The following CRHR1 variants were observed in gnomAD, a reference collection of about 807,000 sequenced individuals.
CRHR1 encodes the protein corticotropin releasing hormone receptor 1.
Under a neutral mutation model 56.0 loss-of-function variants are expected in CRHR1, and 28 were observed. The ratio of observed to expected loss-of-function variants is 0.50; its 90% CI spans 0.37 to 0.69. The LOEUF (loss-of-function observed/expected upper bound fraction) is 0.69, where lower values mean the gene tolerates loss of function less well. Among genes scored for constraint, CRHR1 ranks in the 30% least tolerant of loss-of-function variants. CRHR1 has a pLI of 0.00. For missense variants in CRHR1, 376 were observed against 548.0 expected (o/e 0.69, Z 3.13); for synonymous variants, 195 against 216.5 (o/e 0.90, Z 0.87).
In CRHR1 at chr17:45,784,364, C is replaced by A. The variant is rs951833097; in HGVS notation, c.-181C>A. The A allele has an allele frequency of 2.9e-6, 1 of 345,988 alleles. No homozygotes were observed. The highest frequency in any genetic ancestry group is 2.2e-5 in the African/African-American group (1 of 45,154). The allele number at this position is 345,988 out of a possible 1,614,324, so 21.4% of individuals were successfully genotyped here. On this transcript the variant is annotated 5_prime_UTR_variant, in exon 1 of 13. Transcript: ENST00000314537. The surrounding 1 kb of genome is among the most constrained non-coding windows in gnomAD (Gnocchi z 4.2). The stretch of plus-strand genomic sequence containing the variant: ...TCCCCGGGAAGGGGCGAGCGAGAGC[C>A]GGGCCGGGCCGGGCCGGGCCGCGGG...
intron 6 of CRHR1, 74 bp from the exon 7 acceptor site, chr17:45,830,342 TG>T: frequency 6.3e-7 from 1 of 1,581,560 alleles, no homozygotes. Context: ...TGTCCTGCCC[TG>T]GGGAGGCCCA....
In CRHR1 at chr17:45,817,262, C is replaced by T. The variant is rs563096653; in HGVS notation, c.241+680C>T. On this transcript the variant is annotated intron_variant, in intron 3 of 12. Transcript: ENST00000314537. ...ACTCTCAGAATTAATTTGCTCTCCC[C>T]TGTCAATGAGTCAGGTCCCTGCTTA... is the stretch of plus-strand genomic sequence containing the variant. 3.3e-5 allele frequency among the ~76,000 whole-genome samples: 5 copies of T among 152,366 alleles called. No individual in the cohort carries two copies. In the East Asian group the frequency reaches 7.7e-4, roughly 23 times the overall value.
At chr17:45,830,260 G>T in intron 6 of CRHR1, 46 bp downstream of exon 6, 1 of 1,606,856 alleles carries the variant, frequency 6.2e-7, no homozygotes, top group South Asian at 1.1e-5. Context: ...CCAAACCCAG[G>T]TCAGAGGAGG....
intron 1 of CRHR1, among the ~76,000 whole-genome samples, chr17:45,786,936 C>T (rs571917146): frequency 8.5e-5 from 13 of 152,264 alleles, no homozygotes; most frequent in Admixed American, 7.2e-4. Flanking sequence ...CCACCATGCC[C>T]GGCCATTACC....
chr17:45,803,168 G>A (rs2061655119), intron 1 of CRHR1, among the ~76,000 whole-genome samples: 2 of 152,118 alleles, frequency 1.3e-5, no homozygotes, highest in South Asian at 4.1e-4. Context: ...CAGACTGCAT[G>A]GGCAGAGGGT....
intron 2 of CRHR1, among the ~76,000 whole-genome samples, chr17:45,807,829 G>A (rs1043509779): frequency 5.9e-5 from 9 of 152,218 alleles, no homozygotes; most frequent in Non-Finnish European, 8.8e-5. Flanking sequence ...AAAGCCGAAC[G>A]TTTGTACAGT....
In CRHR1 at chr17:45,833,784, C is replaced by A. The variant is rs1192403414; in HGVS notation, c.1000C>A (p.Pro334Thr). Residue 334 changes from proline (P) to threonine (T), a missense_variant, in exon 11 of 13, where the codon CCC becomes ACC. By Grantham distance (38) the Pro-to-Thr change is conservative. This residue lies in a region of CRHR1 where 369 missense variants were observed against 519.5 expected (regional missense o/e 0.71). Coordinates refer to ENST00000314537, the MANE Select transcript of CRHR1 (RefSeq NM_004382.5). ...CACCTACATGCTGTTCTTCGTCAAT[C>A]CCGGGGAGGATGAGGTCTCCCGGGT... ...GITYMLFFVNPGEDEVSRVVF... is the reference protein window; with the variant it reads ...GITYMLFFVNTGEDEVSRVVF... 1.3e-6 allele frequency: 2 copies of A among 1,586,374 alleles called. No homozygotes were observed. The highest frequency in any genetic ancestry group is 1.7e-6 in the Non-Finnish European group (2 of 1,162,382).
chr17:45,788,257 A>G lies in CRHR1; in HGVS notation c.33+3680A>G, dbSNP rs527893019. Among the ~76,000 whole-genome samples the G allele has an allele frequency of 2.0e-5, 3 of 152,326 alleles. No individual in the cohort carries two copies. The South Asian group carries it at 6.2e-4, about 32-fold the overall frequency. ...AGTCAGTGAACCTGACTCTGATCCC[A>G]GCTCTGCCTCCAATCAGCTGTGTGA... On this transcript the variant is annotated intron_variant, in intron 1 of 12. Coordinates refer to ENST00000314537, the MANE Select transcript of CRHR1 (RefSeq NM_004382.5).
rs187263965 is a variant in CRHR1, at chr17:45,797,628, G to A, written c.34-9382G>A. The stretch of plus-strand genomic sequence containing the variant: ...TGTTGAATCTCTCCAGGAGCTTTGG[G>A]ATGTGAATATTTTATCCCTATCAGC... On this transcript the variant is annotated intron_variant, in intron 1 of 12. Transcript: ENST00000314537. Among the ~76,000 whole-genome samples, 14 of 152,210 alleles carry A rather than the reference G, an allele frequency of 9.2e-5. No homozygotes were observed. In the East Asian group the frequency reaches 2.5e-3, roughly 27 times the overall value.
At chr17:45,823,270 C>T (rs1175234003) in intron 4 of CRHR1, among the ~76,000 whole-genome samples, 3 of 151,996 alleles carry the variant, frequency 2.0e-5, no homozygotes, top group Non-Finnish European at 2.9e-5. Flanking sequence ...CATGAGTGCC[C>T]CAGGGGAGCC....
chr17:45,828,077 C>T (rs1169769294), intron 4 of CRHR1, among the ~76,000 whole-genome samples: 2 of 152,236 alleles, frequency 1.3e-5, no homozygotes, highest in Non-Finnish European at 2.9e-5. Context: ...ACCTGCTTTT[C>T]AACACCCGTC....
At chr17:45,785,807 C>T (rs1269391639) in intron 1 of CRHR1, among the ~76,000 whole-genome samples, 1 of 152,166 alleles carries the variant, frequency 6.6e-6, no homozygotes, top group Non-Finnish European at 1.5e-5. Context: ...AGATTTTTCT[C>T]TAATCCTGCC....
chr17:45,834,869 C>A lies in CRHR1; in HGVS notation c.*105C>A. ...GAGGTGACCTGTTAGGTCTCATGCC[C>A]ACTCCCCCAGGAGCAGCTGGCACTG... On this transcript the variant is annotated 3_prime_UTR_variant, in exon 13 of 13. Transcript: ENST00000314537. 1 of 1,480,944 alleles carries A rather than the reference C, an allele frequency of 6.8e-7. No individual in the cohort carries two copies. Among genetic ancestry groups the A allele is most frequent in the East Asian group, 2.4e-5 (1 of 42,484 alleles). The allele number at this position is 1,480,944 out of a possible 1,614,324, so 91.7% of individuals were successfully genotyped here. A position where few individuals can be genotyped will look rare whatever the true frequency, so the allele number is the denominator to read the frequency against.
At chr17:45,793,291 G>T (rs919483520) in intron 1 of CRHR1, among the ~76,000 whole-genome samples, 1 of 152,244 alleles carries the variant, frequency 6.6e-6, no homozygotes, top group Admixed American at 6.5e-5. Context: ...CTTCATGAGC[G>T]GTTCTGGACA....
At chr17:45,815,011 C>T (rs1370813722) in intron 2 of CRHR1, among the ~76,000 whole-genome samples, 1 of 152,242 alleles carries the variant, frequency 6.6e-6, no homozygotes, top group Non-Finnish European at 1.5e-5. Context: ...CTGAGTCCAG[C>T]AGAGAAAGGG....
In CRHR1 at chr17:45,834,906, G is replaced by A. The variant is rs1014153313; in HGVS notation, c.*142G>A. The stretch of plus-strand genomic sequence containing the variant: ...AGCAGCTGGCACTGACAGCCTGGGG[G>A]GGCCGCTCTCCCCCTGCAGCCGTGC... On this transcript the variant is annotated 3_prime_UTR_variant, in exon 13 of 13. Transcript: ENST00000314537. 1.0e-5 allele frequency: 12 copies of A among 1,147,062 alleles called. No individual in the cohort carries two copies. The highest frequency in any genetic ancestry group is 1.4e-5 in the Non-Finnish European group (11 of 812,872). 71.1% of individuals were successfully genotyped at this position (1,147,062 alleles called of 1,614,324 possible).
At chr17:45,794,304 T>G (rs2061478789) in intron 1 of CRHR1, among the ~76,000 whole-genome samples, 1 of 152,248 alleles carries the variant, frequency 6.6e-6, no homozygotes, top group South Asian at 2.1e-4. Flanking sequence ...AGTTTTGTAC[T>G]TCTCAAGTTG....
chr17:45,803,164 G>GC (rs769195384), intron 1 of CRHR1, among the ~76,000 whole-genome samples: 15 of 152,302 alleles, frequency 9.8e-5, no homozygotes, highest in Non-Finnish European at 1.3e-4. Flanking sequence ...GGCACAGACT[G>GC]CATGGGCAGA....
At chr17:45,819,885 G>A (rs542437678) in intron 3 of CRHR1, among the ~76,000 whole-genome samples, 18 of 152,206 alleles carry the variant, frequency 1.2e-4, no homozygotes, top group Admixed American at 3.9e-4. Flanking sequence ...AGGCCAGGAC[G>A]GGCTCCCTAT....
Sources: allele counts gnomAD v4.1 joint callset (sites outside exome capture counted in the v4.1 genomes callset), GRCh38; gene constraint gnomAD v4.1.1; regional missense constraint gnomAD v4.1.1; non-coding constraint Gnocchi (gnomAD v3.1); transcripts MANE v1.5; gene names NCBI Gene and HGNC (gene_info 2026-07-23, HGNC 2026-07-21).